Variants in LSM12 observed in about 807,000 individuals in gnomAD.
LSM12 encodes protein LSM12.
For synonymous variants in LSM12, 74 were observed against 87.3 expected, an observed-to-expected ratio of 0.85 and a Z score of 0.85; for missense variants, 108 against 238.9, an observed-to-expected ratio of 0.45 and a Z score of 3.61.
chr17:44,042,281 C>T (rs911224814), intron 2 of LSM12, among the ~76,000 whole-genome samples: 17 of 151,096 alleles, frequency 1.1e-4, no homozygotes, highest in Admixed American at 8.6e-4. Flanking sequence ...AGCAAGACTC[C>T]GTCTCAAAAA....
chr17:44,046,335 T>G (rs1300025233), intron 2 of LSM12, among the ~76,000 whole-genome samples: 1 of 152,052 alleles, frequency 6.6e-6, no homozygotes, highest in African/African-American at 2.4e-5. Flanking sequence ...TAACTAAGAG[T>G]AGAATTTCTG....
At chr17:44,057,253 C>A (rs1395415271) in intron 2 of LSM12, among the ~76,000 whole-genome samples, 3 of 150,060 alleles carry the variant, frequency 2.0e-5, no homozygotes, top group Non-Finnish European at 4.5e-5. Context: ...GGGTTCACAC[C>A]ATTCTCCTGC....
chr17:44,054,837 CTT>C (rs971642524), intron 2 of LSM12, among the ~76,000 whole-genome samples: 4 of 142,604 alleles, frequency 2.8e-5, no homozygotes, highest in Non-Finnish European at 4.6e-5. Context: ...TTTTCTTTTT[CTT>C]TTTTTTTTTT....
At chr17:44,049,304 G>T (rs2049612439) in intron 2 of LSM12, among the ~76,000 whole-genome samples, 1 of 152,084 alleles carries the variant, frequency 6.6e-6, no homozygotes, top group Non-Finnish European at 1.5e-5. Context: ...TAAGAGACAG[G>T]GTCTCACTCT....
At chr17:44,039,542 C>T (rs1036017291) in intron 3 of LSM12, among the ~76,000 whole-genome samples, 53 of 150,640 alleles carry the variant, frequency 3.5e-4, no homozygotes, top group African/African-American at 1.1e-3. Context: ...CCACCGCGCC[C>T]GGCTAATTTT....
In LSM12 at chr17:44,034,408, A is replaced by C. The variant is rs1422735777; in HGVS notation, c.*1800T>G. ...AGTCCTGTAACAAATGGTTCTATGTATGTGACTACAGCCTTTTCCCCACAC... is the reference window on the plus strand; with the variant it reads ...AGTCCTGTAACAAATGGTTCTATGTCTGTGACTACAGCCTTTTCCCCACAC... On this transcript the variant is annotated 3_prime_UTR_variant, in exon 5 of 5. Coordinates refer to ENST00000293406, the MANE Select transcript of LSM12 (RefSeq NM_001371445.1). 6.6e-6 allele frequency among the ~76,000 whole-genome samples: 1 copy of C among 152,100 alleles called. No individual in the cohort carries two copies.
At chr17:44,041,576 G>C (rs1398238834) in intron 2 of LSM12, among the ~76,000 whole-genome samples, 2 of 152,150 alleles carry the variant, frequency 1.3e-5, no homozygotes, top group Non-Finnish European at 2.9e-5. Context: ...CTGCTTTTGA[G>C]AAAAACGAAG....
intron 1 of LSM12, among the ~76,000 whole-genome samples, chr17:44,065,422 A>G (rs1162896641): frequency 6.7e-6 from 1 of 148,964 alleles, no homozygotes; most frequent in African/African-American, 2.5e-5. Context: ...TCCTAGCGAC[A>G]GAGCGAGACT....
intron 1 of LSM12, among the ~76,000 whole-genome samples, chr17:44,066,159 T>G (rs2049871907): frequency 7.9e-6 from 1 of 126,476 alleles, no homozygotes; most frequent in Non-Finnish European, 1.6e-5. Context: ...CCTCTCCTAA[T>G]TACTGTGTCC....
intron 2 of LSM12, among the ~76,000 whole-genome samples, chr17:44,047,240 T>C (rs1194368788): frequency 6.6e-6 from 1 of 152,192 alleles, no homozygotes; most frequent in Non-Finnish European, 1.5e-5. Flanking sequence ...CTTTTGCCCA[T>C]TTTTAATTGG....
intron 1 of LSM12, 65 bp downstream of exon 1, chr17:44,066,399 C>T: frequency 6.7e-7 from 1 of 1,482,482 alleles, no homozygotes; most frequent in Non-Finnish European, 9.0e-7. Context: ...CGCCGTCGTC[C>T]CCCACCCCCC....
intron 2 of LSM12, 187 bp from the exon 3 acceptor site, chr17:44,040,443 G>C (rs535675455): frequency 1.9e-6 from 1 of 521,516 alleles, no homozygotes; most frequent in African/African-American, 1.9e-5. Flanking sequence ...GGTATTCCAA[G>C]AAAACGTTCC....
At chr17:44,036,369 CCAGG>C in intron 4 of LSM12, 69 bp from the exon 5 acceptor site, 1 of 1,599,366 alleles carries the variant, frequency 6.3e-7, no homozygotes, top group Non-Finnish European at 8.6e-7. Context: ...ACAATCCAAC[CCAGG>C]TTTCCACAGC....
intron 2 of LSM12, among the ~76,000 whole-genome samples, chr17:44,058,472 A>G (rs2049750633): frequency 6.6e-6 from 1 of 151,888 alleles, no homozygotes; most frequent in South Asian, 2.1e-4. Context: ...GAAGCCGAGG[A>G]AGGAGGATTG....
At chr17:44,067,040 C>T (rs545183178), upstream of LSM12, among the ~76,000 whole-genome samples, 38 of 152,372 alleles carry the variant, frequency 2.5e-4, 2 homozygotes, top group South Asian at 7.5e-3. Flanking sequence ...TGGCTCACGC[C>T]TGTAATCCCA....
chr17:44,037,632 A>G, intron 3 of LSM12, 94 bp from the exon 4 acceptor site: 1 of 1,422,986 alleles, frequency 7.0e-7, no homozygotes, highest in Non-Finnish European at 9.3e-7. Flanking sequence ...GCTGATCCCA[A>G]GTTCCCAGCT....
intron 1 of LSM12, 126 bp from the exon 2 acceptor site, chr17:44,064,060 T>C: frequency 9.9e-7 from 1 of 1,009,994 alleles, no homozygotes; most frequent in East Asian, 2.6e-5. Flanking sequence ...ATGAGGGCCT[T>C]ATAAGAATCA....
chr17:44,045,863 C>T (rs1466042490), intron 2 of LSM12, among the ~76,000 whole-genome samples: 1 of 151,454 alleles, frequency 6.6e-6, no homozygotes, highest in Non-Finnish European at 1.5e-5. Context: ...ATGAGCCACC[C>T]TACCCGGCTG....
At chr17:44,057,334 G>T in intron 2 of LSM12, among the ~76,000 whole-genome samples, 1 of 149,866 alleles carries the variant, frequency 6.7e-6, no homozygotes, top group Non-Finnish European at 1.5e-5. Context: ...GTTTTTAGTA[G>T]AGACGGGGTT....
Sources: allele counts gnomAD v4.1 joint callset (sites outside exome capture counted in the v4.1 genomes callset), GRCh38; gene constraint gnomAD v4.1.1; transcripts MANE v1.5; gene names NCBI Gene and HGNC (gene_info 2026-07-23, HGNC 2026-07-21).